Variants in ANKRD17 observed in about 807,000 individuals in gnomAD.
ANKRD17 encodes the protein ankyrin repeat domain 17, also known as ankyrin repeat domain-containing protein 17.
In ANKRD17, 19 loss-of-function variants were observed where a neutral mutation model predicts 229.7. That is an observed-to-expected ratio of 0.08 (90% CI 0.06 to 0.12). ANKRD17 has a LOEUF of 0.12. Among genes scored for constraint, ANKRD17 ranks in the 10% least tolerant of loss-of-function variants. ANKRD17 has a pLI of 1.00. For synonymous variants in ANKRD17, 1,112 were observed against 1,146.1 expected, an observed-to-expected ratio of 0.97 and a Z score of 0.60; for missense variants, 2,176 against 3,176.8, an observed-to-expected ratio of 0.68 and a Z score of 7.57.
chr4:73,126,637 A>G (rs550914069), intron 16 of ANKRD17, among the ~76,000 whole-genome samples: 21 of 152,350 alleles, frequency 1.4e-4, no homozygotes, highest in African/African-American at 5.1e-4. Flanking sequence ...TCTGCTAATG[A>G]TAATGACCAA....
intron 2 of ANKRD17, among the ~76,000 whole-genome samples, chr4:73,175,899 A>G (rs1734671088): frequency 6.6e-6 from 1 of 152,174 alleles, no homozygotes; most frequent in South Asian, 2.1e-4. Context: ...GAATGGGCAA[A>G]GATTTCTTGA....
At chr4:73,219,243 C>G (rs1014892413) in intron 1 of ANKRD17, among the ~76,000 whole-genome samples, 24 of 152,230 alleles carry the variant, frequency 1.6e-4, no homozygotes, top group African/African-American at 5.5e-4. Context: ...AAAAATGTCA[C>G]CATGGTTACT....
Position 73,190,564 on chromosome 4 carries a change from C to CA in ANKRD17, c.394-13032dup, listed in dbSNP as rs905807992. Among the ~76,000 whole-genome samples, 266 of 121,802 alleles carry CA rather than the reference C, an allele frequency of 2.2e-3. 1 individual carries two copies. Among genetic ancestry groups the CA allele is most frequent in the Middle Eastern group, 9.3e-3 (2 of 216 alleles). The allele number at this position is 121,802 out of a possible 152,430, so 79.9% of individuals were successfully genotyped here. A position where few individuals can be genotyped will look rare whatever the true frequency, so the allele number is the denominator to read the frequency against. ...ATGTCCTCCAAAAAAAAAAACAAAA[C>CA]AAAAAAAAAACAAAAAAAACCTGTA... On this transcript the variant is annotated intron_variant, in intron 1 of 33. Transcript: ENST00000358602.
chr4:73,120,345 T>C lies in ANKRD17; in HGVS notation c.3850-8A>G, dbSNP rs772682722. 1.2e-6 allele frequency: 2 copies of C among 1,612,216 alleles called. No homozygotes were observed. Among genetic ancestry groups the C allele is most frequent in the East Asian group, 2.2e-5 (1 of 44,846 alleles). On this transcript the variant is annotated splice_region_variant and splice_polypyrimidine_tract_variant and intron_variant, in intron 20 of 33. Coordinates refer to ENST00000358602, the MANE Select transcript of ANKRD17 (RefSeq NM_032217.5). ...TAGTGGTGTGAGACCAGTCTAAGTTTAGTGTAAAATTAAAAGTAATGACAC... is the reference window on the plus strand; with the variant it reads ...TAGTGGTGTGAGACCAGTCTAAGTTCAGTGTAAAATTAAAAGTAATGACAC...
At chr4:73,248,480 G>C (rs1440374504) in intron 1 of ANKRD17, among the ~76,000 whole-genome samples, 2 of 151,906 alleles carry the variant, frequency 1.3e-5, no homozygotes, top group Non-Finnish European at 2.9e-5. Context: ...TATGAATCTA[G>C]AAATAATGTC....
At chr4:73,153,744 C>T in intron 6 of ANKRD17, 136 bp downstream of exon 6, 1 of 559,474 alleles carries the variant, frequency 1.8e-6, no homozygotes, top group Non-Finnish European at 2.8e-6. Context: ...TGCAACACTG[C>T]AAACACTTAT....
chr4:73,252,627 A>G (rs1302326269), intron 1 of ANKRD17, among the ~76,000 whole-genome samples: 1 of 152,304 alleles, frequency 6.6e-6, no homozygotes, highest in South Asian at 2.1e-4. Flanking sequence ...TTAATATCAG[A>G]GGATTCACAG....
At chr4:73,109,679 T>A (rs1004324080) in intron 24 of ANKRD17, among the ~76,000 whole-genome samples, 3 of 152,162 alleles carry the variant, frequency 2.0e-5, no homozygotes, top group South Asian at 2.1e-4. Flanking sequence ...TAGGGAAATC[T>A]AGTAAAGCTA....
chr4:73,218,616 C>T (rs540321073), intron 1 of ANKRD17, among the ~76,000 whole-genome samples: 3 of 144,430 alleles, frequency 2.1e-5, no homozygotes, highest in South Asian at 2.2e-4. Flanking sequence ...GCACTCTAGC[C>T]TGGGTGACAG....
intron 1 of ANKRD17, among the ~76,000 whole-genome samples, chr4:73,191,129 G>C (rs1737010116): frequency 6.6e-6 from 1 of 152,024 alleles, no homozygotes; most frequent in Admixed American, 6.6e-5. Context: ...AAAGACAATG[G>C]GGAGGGATGC....
chr4:73,250,852 C>T (rs561912419), intron 1 of ANKRD17, among the ~76,000 whole-genome samples: 160 of 151,914 alleles, frequency 1.1e-3, no homozygotes, highest in Non-Finnish European at 1.8e-3. Context: ...GACTTACTGG[C>T]GGGAGCCACT....
chr4:73,258,170 A>C, intron 1 of ANKRD17, 106 bp downstream of exon 1: 90 of 1,549,502 alleles, frequency 5.8e-5, no homozygotes, highest in Middle Eastern at 1.9e-4. Context: ...CTGGCCCCTA[A>C]GAGATCAACC....
At chr4:73,167,838 T>C (rs1053611403) in intron 2 of ANKRD17, among the ~76,000 whole-genome samples, 1 of 152,152 alleles carries the variant, frequency 6.6e-6, no homozygotes, top group African/African-American at 2.4e-5. Flanking sequence ...GGAAATCAAG[T>C]TTAACCATGA....
At chr4:73,076,364 A>G in intron 33 of ANKRD17, 74 bp from the exon 34 acceptor site, 1 of 1,188,528 alleles carries the variant, frequency 8.4e-7, no homozygotes, top group Non-Finnish European at 1.1e-6. Flanking sequence ...CTTTTAAAAA[A>G]CTAAGGAGGT....
At chr4:73,156,277 G>A in intron 3 of ANKRD17, 111 bp from the exon 4 acceptor site, 2 of 1,319,760 alleles carry the variant, frequency 1.5e-6, no homozygotes, top group East Asian at 2.6e-5. Flanking sequence ...ACGGAGTCTT[G>A]CTCTGTCACC....
intron 1 of ANKRD17, among the ~76,000 whole-genome samples, chr4:73,209,015 G>T (rs1195924434): frequency 6.6e-6 from 1 of 152,104 alleles, no homozygotes; most frequent in Non-Finnish European, 1.5e-5. Flanking sequence ...AAACCAGCAT[G>T]GTCAACATGG....
chr4:73,076,170 TC>T lies in ANKRD17; in HGVS notation c.*60del. 1 of 1,501,024 alleles carries T rather than the reference TC, an allele frequency of 6.7e-7. No homozygotes were observed. Among genetic ancestry groups the T allele is most frequent in the Non-Finnish European group, 9.1e-7 (1 of 1,103,842 alleles). 93.0% of individuals were successfully genotyped at this position (1,501,024 alleles called of 1,614,324 possible). A position where few individuals can be genotyped will look rare whatever the true frequency, so the allele number is the denominator to read the frequency against. ...TGATTTGGGAGCATAATTTTTTTTT[TC>T]GGCCACTTGTGATTTCCTCCAAATG... On this transcript the variant is annotated 3_prime_UTR_variant, in exon 34 of 34. Transcript: ENST00000358602.
intron 25 of ANKRD17, among the ~76,000 whole-genome samples, chr4:73,101,762 C>T (rs1724030119): frequency 6.6e-6 from 1 of 150,486 alleles, no homozygotes; most frequent in Non-Finnish European, 1.5e-5. Flanking sequence ...TGTACAAGTA[C>T]TTAAAGAGAA....
intron 1 of ANKRD17, among the ~76,000 whole-genome samples, chr4:73,239,055 A>G (rs1743771773): frequency 6.6e-6 from 1 of 152,090 alleles, no homozygotes; most frequent in Non-Finnish European, 1.5e-5. Context: ...AAAATTATTC[A>G]ATGTTCTAGG....
Sources: allele counts gnomAD v4.1 joint callset (sites outside exome capture counted in the v4.1 genomes callset), GRCh38; gene constraint gnomAD v4.1.1; transcripts MANE v1.5; gene names NCBI Gene and HGNC (gene_info 2026-07-23, HGNC 2026-07-21).